Variants in CDH8 observed in about 807,000 individuals in gnomAD.
CDH8 encodes the protein cadherin-8.
CDH8 carries 17 observed loss-of-function variants against 68.1 expected under a neutral mutation model. The observed-to-expected ratio is 0.25, with a 90% CI of 0.17 to 0.37. The LOEUF (loss-of-function observed/expected upper bound fraction) is 0.37, where lower values mean the gene tolerates loss of function less well. Ranked by LOEUF, CDH8 falls within the 10% of genes least tolerant of loss-of-function variation. CDH8 has a pLI of 1.00. For missense variants in CDH8, 763 were observed against 999.3 expected, an observed-to-expected ratio of 0.76 and a Z score of 3.19; for synonymous variants, 372 against 365.1, an observed-to-expected ratio of 1.02 and a Z score of -0.21.
intron 2 of CDH8, among the ~76,000 whole-genome samples, chr16:61,946,098 C>G (rs1041252691): frequency 6.6e-6 from 1 of 152,110 alleles, no homozygotes; most frequent in Non-Finnish European, 1.5e-5. Flanking sequence ...GCCTCCTGCC[C>G]ACTCCTAATA....
At chr16:61,730,752 C>G (rs1596909095) in intron 8 of CDH8, among the ~76,000 whole-genome samples, 2 of 151,526 alleles carry the variant, frequency 1.3e-5, no homozygotes, top group Non-Finnish European at 3.0e-5. Context: ...ACTGTTTACT[C>G]TGCACTGAAA....
chr16:61,776,547 T>A (rs1034215634), intron 8 of CDH8, among the ~76,000 whole-genome samples: 3 of 152,046 alleles, frequency 2.0e-5, no homozygotes, highest in Non-Finnish European at 4.4e-5. Flanking sequence ...ATATATATAA[T>A]CAAGGAAAAT....
chr16:61,917,062 A>AGTGT (rs57232370), intron 2 of CDH8, among the ~76,000 whole-genome samples: 5,794 of 137,290 alleles, frequency 0.042, 151 homozygotes, highest in African/African-American at 0.048. Context: ...TTTACCTATT[A>AGTGT]GTGTGTGTGT....
chr16:61,988,859 G>A (rs192922986), intron 2 of CDH8, among the ~76,000 whole-genome samples: 61 of 152,122 alleles, frequency 4.0e-4, no homozygotes, highest in African/African-American at 1.4e-3. Context: ...CCAATCTTAG[G>A]CTAAGCAGGA....
rs755965197 is a variant in CDH8, at chr16:61,960,116, CAT to C, written c.253-58645_253-58644del. On this transcript the variant is annotated intron_variant, in intron 2 of 11. Coordinates refer to ENST00000577390, the MANE Select transcript of CDH8 (RefSeq NM_001796.5). ...GTGTGTGTATACACATACATATATA[CAT>C]ATGTGTGTGTGTATACACATACATA... 3.1e-3 allele frequency among the ~76,000 whole-genome samples: 156 copies of C among 50,100 alleles called. 40 individuals are homozygous for C. Among genetic ancestry groups the C allele is most frequent in the South Asian group, 6.3e-3 (10 of 1,594 alleles). 32.9% of individuals were successfully genotyped at this position (50,100 alleles called of 152,430 possible). A position where few individuals can be genotyped will look rare whatever the true frequency, so the allele number is the denominator to read the frequency against.
intron 8 of CDH8, among the ~76,000 whole-genome samples, chr16:61,766,545 T>C (rs2142978739): frequency 6.6e-6 from 1 of 152,062 alleles, no homozygotes. Context: ...TCTACTTTAA[T>C]TCTTTGAGAA....
At chr16:61,708,466 A>G (rs1964571679) in intron 10 of CDH8, among the ~76,000 whole-genome samples, 1 of 152,320 alleles carries the variant, frequency 6.6e-6, no homozygotes, top group East Asian at 1.9e-4. Context: ...TCACTTCTGC[A>G]GGTACTCTTA....
intron 3 of CDH8, among the ~76,000 whole-genome samples, chr16:61,861,135 C>T (rs1168384913): frequency 6.6e-6 from 1 of 152,040 alleles, no homozygotes; most frequent in Non-Finnish European, 1.5e-5. Flanking sequence ...AAAAACAGAC[C>T]CCTAATGTCC....
intron 10 of CDH8, among the ~76,000 whole-genome samples, chr16:61,660,823 C>T (rs1254580335): frequency 6.6e-6 from 1 of 152,032 alleles, no homozygotes; most frequent in African/African-American, 2.4e-5. Flanking sequence ...GCAGAGCTAT[C>T]TTTCAAAATA....
Position 61,758,792 on chromosome 16 carries a change from A to T in CDH8, c.1414+30554T>A, listed in dbSNP as rs542362646. Among the ~76,000 whole-genome samples, 3 of 152,338 alleles carry T rather than the reference A, an allele frequency of 2.0e-5. No homozygotes were observed. The East Asian group carries it at 5.8e-4, about 29-fold the overall frequency. On this transcript the variant is annotated intron_variant, in intron 8 of 11. Coordinates refer to ENST00000577390, the MANE Select transcript of CDH8 (RefSeq NM_001796.5). ...GAGTCTCAGTTCATAGATCAAATAC[A>T]TAATGGGGCTATATGATCTTTTGTT...
intron 1 of CDH8, among the ~76,000 whole-genome samples, chr16:62,035,612 T>C (rs966489592): frequency 5.9e-5 from 9 of 152,214 alleles, no homozygotes; most frequent in Middle Eastern, 3.4e-3. Flanking sequence ...AAACCAGCCA[T>C]AGACCACTCG....
rs1963386583 is a variant in CDH8 at position 61,654,026 on chromosome 16, C to T, written c.1982G>A (p.Arg661Gln). 4 of 1,613,964 alleles carry T rather than the reference C, an allele frequency of 2.5e-6. No individual in the cohort carries two copies. Among genetic ancestry groups the T allele is most frequent in the Non-Finnish European group, 3.4e-6 (4 of 1,179,986 alleles). The change falls in exon 12 of 12, where the codon CGA (arginine) becomes CAA (glutamine). Residue 661 changes from arginine (R) to glutamine (Q), a missense_variant. This residue lies in a region of CDH8 where 397 missense variants were observed against 436.2 expected (regional missense o/e 0.91). Coordinates refer to ENST00000577390, the MANE Select transcript of CDH8 (RefSeq NM_001796.5). ...PLIIKDDEDV[R>Q]ENIIRYDDEG... The stretch of plus-strand genomic sequence containing the variant: ...ATCATCGTAGCGAATGATGTTTTCT[C>T]GAACGTCTTCATCATCTTTGATAAT...
chr16:61,736,108 A>AAGGAAGG (rs1567446448), intron 8 of CDH8, among the ~76,000 whole-genome samples: 13 of 64,820 alleles, frequency 2.0e-4, no homozygotes, highest in African/African-American at 7.4e-4. Context: ...GGAAAGAAAG[A>AAGGAAGG]AAGAAAGGAA....
chr16:61,846,907 T>C (rs893438399), intron 4 of CDH8, among the ~76,000 whole-genome samples: 3 of 152,034 alleles, frequency 2.0e-5, no homozygotes, highest in African/African-American at 4.8e-5. Context: ...ACTAGTGAAA[T>C]GTTATGAGCT....
chr16:61,974,281 T>C (rs529123478), intron 2 of CDH8, among the ~76,000 whole-genome samples: 46 of 152,330 alleles, frequency 3.0e-4, no homozygotes, highest in African/African-American at 1.1e-3. Flanking sequence ...GAATATTTTA[T>C]TAAGTGAACA....
chr16:61,692,481 A>C (rs529387912), intron 10 of CDH8: 1 of 151,626 alleles, frequency 6.6e-6, no homozygotes, highest in South Asian at 2.1e-4. Context: ...ACACATACAC[A>C]CCAAAAGCAT....
Position 61,648,983 on chromosome 16 carries a change from C to T in CDH8, c.*4625G>A, listed in dbSNP as rs901160910. 1.3e-5 allele frequency: 2 copies of T among 151,884 alleles called. No individual in the cohort carries two copies. Among genetic ancestry groups the T allele is most frequent in the Non-Finnish European group, 2.9e-5 (2 of 67,910 alleles). The allele number at this position is 151,884 out of a possible 1,614,324, so 9.4% of individuals were successfully genotyped here. ...TAAAGACATGCTCTTCTACAATTATCATAAGAAGCAATAATTACAAGGGCA... is the reference window on the plus strand; with the variant it reads ...TAAAGACATGCTCTTCTACAATTATTATAAGAAGCAATAATTACAAGGGCA... On this transcript the variant is annotated 3_prime_UTR_variant, in exon 12 of 12. Transcript: ENST00000577390.
At chr16:61,977,385 C>A (rs1016825066) in intron 2 of CDH8, among the ~76,000 whole-genome samples, 3 of 152,118 alleles carry the variant, frequency 2.0e-5, no homozygotes, top group Non-Finnish European at 4.4e-5. Flanking sequence ...CAACATTTCT[C>A]CAAGACCATT....
intron 3 of CDH8, among the ~76,000 whole-genome samples, chr16:61,858,724 C>T (rs1963096219): frequency 1.3e-5 from 2 of 152,096 alleles, no homozygotes; most frequent in African/African-American, 2.4e-5. Context: ...GCAGTCACAA[C>T]GAAAGCCTCA....
Sources: allele counts gnomAD v4.1 joint callset (sites outside exome capture counted in the v4.1 genomes callset), GRCh38; gene constraint gnomAD v4.1.1; regional missense constraint gnomAD v4.1.1; transcripts MANE v1.5; gene names NCBI Gene and HGNC (gene_info 2026-07-23, HGNC 2026-07-21).